SLK: variants seen among roughly 807,000 people sequenced by gnomAD.
SLK encodes STE20 like kinase, also known as STE20-like serine/threonine-protein kinase.
Under a neutral mutation model 147.7 loss-of-function variants are expected in SLK, and 67 were observed. That is an observed-to-expected ratio of 0.45 (90% CI 0.37 to 0.56). The LOEUF is 0.56. SLK is among the 20% of genes least tolerant of loss of function. The pLI, the probability that SLK is intolerant of heterozygous loss-of-function variation, is 0.00. For synonymous variants in SLK, 441 were observed against 475.0 expected (o/e 0.93, Z 0.93); for missense variants, 1,136 against 1,438.8 (o/e 0.79, Z 3.41).
intron 1 of SLK, among the ~76,000 whole-genome samples, chr10:103,972,828 T>C (rs1298061958): frequency 1.3e-5 from 2 of 152,236 alleles, no homozygotes; most frequent in South Asian, 2.1e-4. Flanking sequence ...AATATGTTTT[T>C]GGTAATTTGA....
At chr10:103,999,752 G>C (rs935562332) in intron 6 of SLK, 115 bp from the exon 7 acceptor site, 3 of 507,314 alleles carry the variant, frequency 5.9e-6, no homozygotes, top group African/African-American at 2.0e-5. Flanking sequence ...TTATTTAAAT[G>C]TTGAATTAAT....
chr10:103,975,264 C>T (rs942920227), intron 1 of SLK, among the ~76,000 whole-genome samples: 2 of 152,030 alleles, frequency 1.3e-5, no homozygotes, highest in African/African-American at 4.8e-5. Flanking sequence ...ATACCTTAAA[C>T]TGCAAGTCCA....
chr10:104,005,721 G>A, intron 10 of SLK, 30 bp downstream of exon 10: 1 of 1,595,832 alleles, frequency 6.3e-7, no homozygotes, highest in East Asian at 2.2e-5. Context: ...AATTAAAACT[G>A]GTTTGTGACT....
intron 9 of SLK, among the ~76,000 whole-genome samples, chr10:104,003,743 T>C (rs1844287298): frequency 6.6e-6 from 1 of 152,218 alleles, no homozygotes; most frequent in Admixed American, 6.5e-5. Flanking sequence ...TTTGCAGACC[T>C]GATGCAGATA....
At chr10:103,993,427 G>A (rs768169276) in intron 4 of SLK, among the ~76,000 whole-genome samples, 6 of 151,970 alleles carry the variant, frequency 3.9e-5, no homozygotes, top group Non-Finnish European at 5.9e-5. Context: ...ATTTTTGTAC[G>A]TAGACTTAAT....
chr10:104,024,650 C>A (rs778988161), intron 18 of SLK, among the ~76,000 whole-genome samples: 46 of 152,116 alleles, frequency 3.0e-4, no homozygotes, highest in Non-Finnish European at 5.1e-4. Flanking sequence ...CTTTTGAGAA[C>A]CCCTCCTATA....
At chr10:103,969,883 C>G (rs776517418) in intron 1 of SLK, among the ~76,000 whole-genome samples, 5 of 152,158 alleles carry the variant, frequency 3.3e-5, no homozygotes, top group Non-Finnish European at 5.9e-5. Context: ...CCTGGAAAGG[C>G]AAAAATAAAT....
intron 1 of SLK, among the ~76,000 whole-genome samples, chr10:103,982,764 C>G (rs1417007561): frequency 6.6e-6 from 1 of 152,198 alleles, no homozygotes; most frequent in African/African-American, 2.4e-5. Flanking sequence ...CAAGCACATT[C>G]CCAGCTAAAC....
At chr10:104,008,848 A>G (rs1430162580) in intron 12 of SLK, among the ~76,000 whole-genome samples, 1 of 152,108 alleles carries the variant, frequency 6.6e-6, no homozygotes, top group East Asian at 1.9e-4. Flanking sequence ...TTGTTTGTTG[A>G]TTAGCTTTAT....
At chr10:103,994,699 GA>G (rs1194618289) in intron 4 of SLK, among the ~76,000 whole-genome samples, 1 of 152,166 alleles carries the variant, frequency 6.6e-6, no homozygotes, top group Non-Finnish European at 1.5e-5. Context: ...GGGATGATGT[GA>G]AAAAAATGTT....
rs1190696690 is a variant in SLK at position 104,018,926 on chromosome 10, T to C, written c.3132+18T>C. On this transcript the variant is annotated intron_variant, in intron 15 of 18. Transcript: ENST00000369755. Reference sequence around the variant, plus strand: ...ACGAGAAGGTTAATGAAAGGAAAATTTCTTCATTTTTTTGTTCGTTTTAAA... The same window carrying C: ...ACGAGAAGGTTAATGAAAGGAAAATCTCTTCATTTTTTTGTTCGTTTTAAA... 6.5e-7 allele frequency: 1 copy of C among 1,549,692 alleles called. No individual in the cohort carries two copies. The highest frequency in any genetic ancestry group is 8.7e-7 in the Non-Finnish European group (1 of 1,151,820).
At chr10:103,970,746 TCTAA>T (rs1312505544) in intron 1 of SLK, among the ~76,000 whole-genome samples, 1 of 152,222 alleles carries the variant, frequency 6.6e-6, no homozygotes, top group Non-Finnish European at 1.5e-5. Flanking sequence ...TAAACTTGAT[TCTAA>T]CTATCATTTG....
At chr10:104,016,018 A>G (rs572005915) in intron 13 of SLK, among the ~76,000 whole-genome samples, 2 of 152,286 alleles carry the variant, frequency 1.3e-5, no homozygotes, top group South Asian at 2.1e-4. Context: ...AAGTTTGTAT[A>G]TAGAAATTTT....
intron 1 of SLK, among the ~76,000 whole-genome samples, chr10:103,968,700 G>A (rs1459088883): frequency 6.6e-6 from 1 of 152,116 alleles, no homozygotes; most frequent in Admixed American, 6.5e-5. Flanking sequence ...GGACCCACAG[G>A]GTTGCCTAGA....
rs759308214 is a variant in SLK at position 104,008,358 on chromosome 10, T to C, written c.2784+2T>C. 6.2e-7 allele frequency: 1 copy of C among 1,602,750 alleles called. No individual in the cohort carries two copies. The highest frequency in any genetic ancestry group is 1.7e-5 in the Admixed American group (1 of 58,126). ...ATGCTGAAGAACCGAAAGAAGGAGG[T>C]AAGTGTAAACTACTGTTTTTAATTA... is the stretch of plus-strand genomic sequence containing the variant. On this transcript the variant is annotated splice_donor_variant, in intron 12 of 18. Coordinates refer to ENST00000369755, the MANE Select transcript of SLK (RefSeq NM_014720.4). LOFTEE classifies it high-confidence loss of function.
intron 6 of SLK, 60 bp downstream of exon 6, chr10:103,999,373 A>G: frequency 8.1e-7 from 1 of 1,240,422 alleles, no homozygotes. Flanking sequence ...GCAGAACTTG[A>G]TGTTATATTC....
In SLK at chr10:103,967,615, G is replaced by C; in HGVS notation, c.-131G>C. 3.8e-6 allele frequency: 2 copies of C among 531,846 alleles called. No individual in the cohort carries two copies. The highest frequency in any genetic ancestry group is 5.3e-6 in the Non-Finnish European group (2 of 376,976). 32.9% of individuals were successfully genotyped at this position (531,846 alleles called of 1,614,324 possible). A position where few individuals can be genotyped will look rare whatever the true frequency, so the allele number is the denominator to read the frequency against. ...GCCTTCTCCCGGGACCGCCCGGCCG[G>C]AGCTGCGGGGGCCGAGGGACGCCGC... On this transcript the variant is annotated 5_prime_UTR_variant, in exon 1 of 19. Coordinates refer to ENST00000369755, the MANE Select transcript of SLK (RefSeq NM_014720.4).
chr10:103,993,529 T>G (rs1386163579), intron 4 of SLK, among the ~76,000 whole-genome samples: 1 of 152,084 alleles, frequency 6.6e-6, no homozygotes, highest in Non-Finnish European at 1.5e-5. Context: ...GTCTAGTGAG[T>G]TTTTCCCCAT....
rs1589547471 is a variant in SLK at position 104,019,867 on chromosome 10, G to T, written c.3266G>T (p.Ser1089Ile). Reference protein sequence around the residue: ...AKTRMAMFKKSLRINSTATPD... With the variant: ...AKTRMAMFKKILRINSTATPD... ...ACTCGAATGGCCATGTTTAAGAAGA[G>T]TTTGAGAATTAACTCAACAGCCACA... is the stretch of plus-strand genomic sequence containing the variant. Residue 1089 changes from serine (S) to isoleucine (I), a missense_variant, in exon 16 of 19, where the codon AGT becomes ATT. This residue lies in a region of SLK where 327 missense variants were observed against 457.5 expected (regional missense o/e 0.71). Coordinates refer to ENST00000369755, the MANE Select transcript of SLK (RefSeq NM_014720.4). The T allele has an allele frequency of 6.2e-7, 1 of 1,614,146 alleles. No individual in the cohort carries two copies. The highest frequency in any genetic ancestry group is 8.5e-7 in the Non-Finnish European group (1 of 1,179,998).
Sources: gnomAD v4.1 joint callset for allele counts (sites outside exome capture counted in the v4.1 genomes callset) on GRCh38, gnomAD v4.1.1 for gene constraint, gnomAD v4.1.1 regional missense constraint, MANE v1.5 for transcripts, NCBI Gene and HGNC (gene_info 2026-07-23, HGNC 2026-07-21) for gene names.